The following MGAT4C variants were observed in gnomAD, a reference collection of about 807,000 sequenced individuals.
The protein encoded by MGAT4C is alpha-1,3-mannosyl-glycoprotein 4-beta-N-acetylglucosaminyltransferase C.
In MGAT4C, 19 loss-of-function variants were observed where a neutral mutation model predicts 40.1. The ratio of observed to expected loss-of-function variants is 0.47; its 90% CI spans 0.33 to 0.70. MGAT4C has a LOEUF of 0.70. MGAT4C is among the 30% of genes least tolerant of loss of function. The pLI is 0.02. For missense variants in MGAT4C, 491 were observed against 563.2 expected (o/e 0.87, Z 1.30); for synonymous variants, 181 against 187.1 (o/e 0.97, Z 0.27).
intron 1 of MGAT4C, among the ~76,000 whole-genome samples, chr12:86,072,531 C>G (rs557496389): frequency 9.4e-4 from 143 of 152,114 alleles, no homozygotes; most frequent in African/African-American, 3.3e-3. Context: ...AAGACACAGA[C>G]AAGTCAAACA....
intron 1 of MGAT4C, among the ~76,000 whole-genome samples, chr12:86,733,913 G>A (rs573506886): frequency 2.6e-5 from 4 of 152,100 alleles, no homozygotes; most frequent in South Asian, 2.1e-4. Context: ...AAAATAAAGC[G>A]AATTACATAT....
chr12:86,378,319 T>C (rs1955869069), intron 3 of MGAT4C, among the ~76,000 whole-genome samples: 1 of 152,310 alleles, frequency 6.6e-6, no homozygotes, highest in African/African-American at 2.4e-5. Flanking sequence ...GTTATATGAA[T>C]GACCACAGTG....
chr12:86,676,535 T>G (rs1201082654), intron 2 of MGAT4C, among the ~76,000 whole-genome samples: 1 of 152,140 alleles, frequency 6.6e-6, no homozygotes, highest in East Asian at 1.9e-4. Context: ...ACTTGTGGAT[T>G]TTAAGGAAAT....
intron 2 of MGAT4C, among the ~76,000 whole-genome samples, chr12:86,540,608 A>G (rs1959158722): frequency 6.6e-6 from 1 of 152,058 alleles, no homozygotes; most frequent in African/African-American, 2.4e-5. Flanking sequence ...TGGTGGCACG[A>G]GCCTGTAGTC....
rs1882758465 is a variant in MGAT4C at position 85,955,705 on chromosome 12, C to G, written c.*23584G>C. The G allele has an allele frequency of 1.3e-5, 2 of 151,992 alleles. No individual in the cohort carries two copies. Among genetic ancestry groups the G allele is most frequent in the Non-Finnish European group, 2.9e-5 (2 of 67,988 alleles). 9.4% of individuals were successfully genotyped at this position (151,992 alleles called of 1,614,324 possible). A position where few individuals can be genotyped will look rare whatever the true frequency, so the allele number is the denominator to read the frequency against. ...CCACAATGTATTTATGCTGTTTAGCCTTCATAATTTCAAACAATTCTGAAT... is the reference window on the plus strand; with the variant it reads ...CCACAATGTATTTATGCTGTTTAGCGTTCATAATTTCAAACAATTCTGAAT... On this transcript the variant is annotated 3_prime_UTR_variant, in exon 5 of 5. Transcript: ENST00000611864.
chr12:86,761,183 TA>T (rs529223590), intron 1 of MGAT4C, among the ~76,000 whole-genome samples: 2 of 151,884 alleles, frequency 1.3e-5, no homozygotes, highest in Non-Finnish European at 2.9e-5. Flanking sequence ...TGGCACTTAG[TA>T]AAAAAAATGA....
chr12:86,321,089 T>C lies in MGAT4C; in HGVS notation c.-57+12976A>G, dbSNP rs188673074. Among the ~76,000 whole-genome samples, 60 of 152,290 alleles carry C rather than the reference T, an allele frequency of 3.9e-4. No individual in the cohort carries two copies. The East Asian group carries it at 0.011, about 29-fold the overall frequency. ...TAGATAAATCTTAAAACCATTTTTA[T>C]ACATTTTTAAAGTCACTATACCTTT... On this transcript the variant is annotated intron_variant, in intron 4 of 7. Coordinates refer to the MGAT4C transcript ENST00000548651.
At chr12:86,051,762 A>G (rs1007379643) in intron 1 of MGAT4C, among the ~76,000 whole-genome samples, 2 of 151,260 alleles carry the variant, frequency 1.3e-5, no homozygotes, top group African/African-American at 4.8e-5. Flanking sequence ...TTAGTACTAT[A>G]TATCTAATTA....
intron 2 of MGAT4C, among the ~76,000 whole-genome samples, chr12:86,591,881 C>CT (rs1961345573): frequency 1.3e-5 from 2 of 151,650 alleles, no homozygotes; most frequent in South Asian, 4.1e-4. Flanking sequence ...ACTATATTAC[C>CT]TTTTTACCTG....
At chr12:86,791,636 T>G (rs1365337448) in intron 1 of MGAT4C, among the ~76,000 whole-genome samples, 1 of 152,140 alleles carries the variant, frequency 6.6e-6, no homozygotes, top group Non-Finnish European at 1.5e-5. Flanking sequence ...TTTTTTGACC[T>G]TTTTCTTCTC....
intron 3 of MGAT4C, among the ~76,000 whole-genome samples, chr12:86,405,355 GA>G (rs1956443733): frequency 6.6e-6 from 1 of 151,870 alleles, no homozygotes; most frequent in Non-Finnish European, 1.5e-5. Flanking sequence ...TGAACTAGTG[GA>G]CACCAAAACT....
intron 2 of MGAT4C, among the ~76,000 whole-genome samples, chr12:86,659,139 T>TTC (rs1963920614): frequency 1.3e-5 from 2 of 152,140 alleles, no homozygotes; most frequent in South Asian, 2.1e-4. Flanking sequence ...GCAGATACGC[T>TTC]TCCTCTAATG....
intron 1 of MGAT4C, among the ~76,000 whole-genome samples, chr12:86,226,726 C>T (rs1951095366): frequency 6.6e-6 from 1 of 151,920 alleles, no homozygotes; most frequent in Non-Finnish European, 1.5e-5. Context: ...ATTTCATCTG[C>T]TTATACACAC....
intron 1 of MGAT4C, among the ~76,000 whole-genome samples, chr12:86,185,633 T>C (rs1593176215): frequency 6.6e-6 from 1 of 152,198 alleles, no homozygotes; most frequent in African/African-American, 2.4e-5. Flanking sequence ...CTTAAACATA[T>C]ATGTGACATC....
At chr12:86,531,624 C>G (rs1219863665) in intron 2 of MGAT4C, among the ~76,000 whole-genome samples, 9 of 151,940 alleles carry the variant, frequency 5.9e-5, no homozygotes, top group Non-Finnish European at 1.0e-4. Flanking sequence ...GACTTTACAT[C>G]CATTCAGTTA....
chr12:86,039,006 G>C (rs1444379597), intron 2 of MGAT4C, among the ~76,000 whole-genome samples: 6 of 149,816 alleles, frequency 4.0e-5, no homozygotes, highest in African/African-American at 1.5e-4. Context: ...AGTTTGGGAG[G>C]ATATAAAATT....
At chr12:86,162,232 A>G (rs894293741) in intron 1 of MGAT4C, among the ~76,000 whole-genome samples, 1 of 152,178 alleles carries the variant, frequency 6.6e-6, no homozygotes, top group Non-Finnish European at 1.5e-5. Context: ...TAGCAAAGAC[A>G]TGAAATCAAC....
intron 4 of MGAT4C, among the ~76,000 whole-genome samples, chr12:86,290,082 T>C (rs1263288997): frequency 1.3e-5 from 2 of 152,046 alleles, no homozygotes; most frequent in Non-Finnish European, 2.9e-5. Flanking sequence ...AGTCTTGCTC[T>C]GTCACCCATG....
At chr12:86,218,050 CT>C (rs1223512685) in intron 1 of MGAT4C, among the ~76,000 whole-genome samples, 3 of 150,770 alleles carry the variant, frequency 2.0e-5, no homozygotes, top group Non-Finnish European at 3.0e-5. Flanking sequence ...AAAACGAGAA[CT>C]TTTTTTTTGG....
Sources: gnomAD v4.1 joint callset for allele counts (sites outside exome capture counted in the v4.1 genomes callset) on GRCh38, gnomAD v4.1.1 for gene constraint, MANE v1.5 for transcripts, NCBI Gene and HGNC (gene_info 2026-07-23, HGNC 2026-07-21) for gene names.